The following SAG variants were observed in gnomAD, a reference collection of about 807,000 sequenced individuals.
SAG encodes S-arrestin.
In SAG, 45 loss-of-function variants were observed where a neutral mutation model predicts 55.0. That is an observed-to-expected ratio of 0.82 (90% confidence interval 0.64 to 1.05). The LOEUF is 1.05. SAG is among the 50% of genes least tolerant of loss of function. The probability of loss-of-function intolerance (pLI) is 0.00; values close to 1 mark genes in which losing one functional copy is unlikely to be tolerated. For synonymous variants in SAG, 189 were observed against 197.4 expected (o/e 0.96, Z 0.36); for missense variants, 455 against 512.1 (o/e 0.89, Z 1.08).
At chr2:233,318,357 G>A (rs1247480572) in intron 3 of SAG, among the ~76,000 whole-genome samples, 1 of 150,862 alleles carries the variant, frequency 6.6e-6, no homozygotes, top group Non-Finnish European at 1.5e-5. Context: ...TTTTTATAGA[G>A]ACAGGCTCTC....
intron 11 of SAG, among the ~76,000 whole-genome samples, chr2:233,338,291 A>T (rs1366828997): frequency 6.6e-6 from 1 of 152,196 alleles, no homozygotes; most frequent in Non-Finnish European, 1.5e-5. Context: ...CACGTGGGAG[A>T]TGAGTTACTG....
At chr2:233,345,440 A>C (rs931164233) in intron 14 of SAG, 10 of 152,224 alleles carry the variant, frequency 6.6e-5, no homozygotes, top group Non-Finnish European at 1.2e-4. Flanking sequence ...AGGACATGGA[A>C]GGAGAAATAC....
intron 2 of SAG, among the ~76,000 whole-genome samples, chr2:233,314,291 C>T (rs781238930): frequency 2.0e-5 from 3 of 152,074 alleles, no homozygotes; most frequent in Non-Finnish European, 4.4e-5. Flanking sequence ...TGGGTGCTGG[C>T]ACCTCCCTGG....
chr2:233,314,338 C>T (rs13427255), intron 2 of SAG, among the ~76,000 whole-genome samples: 6,995 of 152,240 alleles, frequency 0.046, 553 homozygotes, highest in African/African-American at 0.16. Flanking sequence ...TCTCAGAACC[C>T]CGAGGCCCTC....
rs897544823 is a variant in SAG at position 233,307,821 on chromosome 2, C to T, written c.-230C>T. The T allele has an allele frequency of 6.6e-6, 1 of 152,386 alleles. No homozygotes were observed. Among genetic ancestry groups the T allele is most frequent in the Non-Finnish European group, 1.5e-5 (1 of 68,074 alleles). The allele number at this position is 152,386 out of a possible 1,614,324, so 9.4% of individuals were successfully genotyped here. A position where few individuals can be genotyped will look rare whatever the true frequency, so the allele number is the denominator to read the frequency against. Reference sequence around the variant, plus strand: ...GGATTTGGCTTTTAGACATTGAGACCTGGATGCTGGGCATCCTCGCTAGAT... The same window carrying T: ...GGATTTGGCTTTTAGACATTGAGACTTGGATGCTGGGCATCCTCGCTAGAT... On this transcript the variant is annotated 5_prime_UTR_variant, in exon 1 of 16. Coordinates refer to ENST00000409110, the MANE Select transcript of SAG (RefSeq NM_000541.5).
intron 14 of SAG, chr2:233,344,602 G>A (rs1466724578): frequency 2.0e-5 from 3 of 152,168 alleles, no homozygotes; most frequent in Non-Finnish European, 4.4e-5. Context: ...TGGGAGCAAA[G>A]GTTAAGACAA....
chr2:233,313,515 AT>A (rs111926878), intron 2 of SAG, among the ~76,000 whole-genome samples: 228 of 146,560 alleles, frequency 1.6e-3, no homozygotes, highest in African/African-American at 1.4e-3. Flanking sequence ...TTTGGGGAGA[AT>A]TTTTTTTTTT....
At position 233,319,995 on chromosome 2, in the gene SAG, T is replaced by G; in HGVS notation, c.182-635T>G. The G allele has an allele frequency of 1.0e-6, 1 of 985,234 alleles. No individual in the cohort carries two copies. The highest frequency in any genetic ancestry group is 1.2e-6 in the Non-Finnish European group (1 of 829,748). 61.0% of individuals were successfully genotyped at this position (985,234 alleles called of 1,614,324 possible). A position where few individuals can be genotyped will look rare whatever the true frequency, so the allele number is the denominator to read the frequency against. ...GAAGGTGTAGTGAACTTCATACAAT[T>G]CTTCTGGTCTACTGGGCGCACACTT... On this transcript the variant is annotated intron_variant, in intron 4 of 15. Coordinates refer to ENST00000409110, the MANE Select transcript of SAG (RefSeq NM_000541.5). This position sits in a 1 kb window ranked among gnomAD's most constrained non-coding sequence, Gnocchi z 4.4.
chr2:233,325,706 C>T (rs1228313961), intron 6 of SAG, among the ~76,000 whole-genome samples: 1 of 152,060 alleles, frequency 6.6e-6, no homozygotes, highest in African/African-American at 2.4e-5. Context: ...CTGTATAGGC[C>T]CAACAAAGCA....
chr2:233,316,407 G>A (rs1182013920), intron 3 of SAG, among the ~76,000 whole-genome samples: 1 of 152,014 alleles, frequency 6.6e-6, no homozygotes, highest in Non-Finnish European at 1.5e-5. Flanking sequence ...TGCCTCCTGG[G>A]TTCAAGTGAT....
chr2:233,327,020 A>G lies in SAG; in HGVS notation c.436-101A>G, dbSNP rs561520209. 9 of 837,196 alleles carry G rather than the reference A, an allele frequency of 1.1e-5. No homozygotes were observed. The South Asian group carries it at 1.3e-4, about 12-fold the overall frequency. 51.9% of individuals were successfully genotyped at this position (837,196 alleles called of 1,614,324 possible). On this transcript the variant is annotated intron_variant, in intron 6 of 15. Transcript: ENST00000409110. ...TAGGACATGGCCAAGACAAAAAGAG[A>G]TAGTGCCACATCATGTGCCCTGTGT... is the stretch of plus-strand genomic sequence containing the variant.
intron 6 of SAG, among the ~76,000 whole-genome samples, chr2:233,324,507 T>C (rs1476205678): frequency 6.6e-6 from 1 of 152,166 alleles, no homozygotes; most frequent in Non-Finnish European, 1.5e-5. Context: ...AGTTTTTGCC[T>C]GAATGAGATG....
chr2:233,342,500 C>T lies in SAG; in HGVS notation c.1102+174C>T, dbSNP rs1258622660. ...GGGGGGAAGGGAGGGCCCATCTGTT[C>T]AGCGCTGAGCCGGGTAGATTATCCA... is the stretch of plus-strand genomic sequence containing the variant. On this transcript the variant is annotated intron_variant, in intron 14 of 15. Transcript: ENST00000409110. 8 of 629,836 alleles carry T rather than the reference C, an allele frequency of 1.3e-5. No homozygotes were observed. The Admixed American group carries it at 1.8e-4, about 14-fold the overall frequency. 39.0% of individuals were successfully genotyped at this position (629,836 alleles called of 1,614,324 possible).
At chr2:233,335,138 C>A in intron 11 of SAG, 39 bp downstream of exon 11, 1 of 1,589,396 alleles carries the variant, frequency 6.3e-7, no homozygotes, top group Non-Finnish European at 8.6e-7. Context: ...CCTGGCAGGG[C>A]GGGCTGGTGC....
Position 233,331,710 on chromosome 2 carries a change from G to A in SAG, c.804G>A (p.Ala268=), listed in dbSNP as rs200634312. Residue 268 remains alanine, a splice_region_variant and synonymous_variant, in exon 10 of 16, where the codon GCG becomes GCA. Transcript: ENST00000409110. The part of the protein sequence containing the change: ...YYVKPVAMEE[A]QEKVPPNSTL... ...TCAAGCCCGTGGCTATGGAGGAAGC[G>A]CAGTGAGTAGCTGTTGGGGTTTCCG... 6.0e-5 allele frequency: 97 copies of A among 1,610,944 alleles called. 1 individual carries two copies. The South Asian group carries it at 6.3e-4, about 10-fold the overall frequency.
intron 10 of SAG, chr2:233,333,146 C>T (rs996609512): frequency 6.6e-6 from 1 of 152,188 alleles, no homozygotes; most frequent in African/African-American, 2.4e-5. Flanking sequence ...TACTGTTATT[C>T]AAAACAGATT....
At chr2:233,338,937 G>T in intron 12 of SAG, 184 bp downstream of exon 12, 1 of 697,132 alleles carries the variant, frequency 1.4e-6, no homozygotes, top group East Asian at 2.7e-5. Context: ...CTGATAAAAT[G>T]TCAGGTGGGA....
chr2:233,310,267 C>T (rs1044440387), intron 2 of SAG, among the ~76,000 whole-genome samples: 1 of 152,152 alleles, frequency 6.6e-6, no homozygotes, highest in Non-Finnish European at 1.5e-5. Context: ...CTAGTAGCCA[C>T]ATTTAAAAAG....
At chr2:233,344,105 T>A (rs555126857) in intron 14 of SAG, 1 of 152,488 alleles carries the variant, frequency 6.6e-6, no homozygotes, top group Non-Finnish European at 1.5e-5. Context: ...ATTAAAAAGA[T>A]AGTCACTTGA....
Sources: gnomAD v4.1 joint callset for allele counts (sites outside exome capture counted in the v4.1 genomes callset) on GRCh38, gnomAD v4.1.1 for gene constraint, Gnocchi (gnomAD v3.1) non-coding constraint, MANE v1.5 for transcripts, NCBI Gene and HGNC (gene_info 2026-07-23, HGNC 2026-07-21) for gene names.